The following EPHA6 variants were observed in gnomAD, a reference collection of about 807,000 sequenced individuals.
EPHA6 encodes EPH receptor A6.
In EPHA6, 50 loss-of-function variants were observed where a neutral mutation model predicts 112.0. That is an observed-to-expected ratio of 0.45 (90% confidence interval 0.36 to 0.56). The LOEUF is 0.56. Among genes scored for constraint, EPHA6 ranks in the 20% least tolerant of loss-of-function variants. EPHA6 has a pLI of 0.00. For synonymous variants in EPHA6, 529 were observed against 490.7 expected (o/e 1.08, Z -1.03); for missense variants, 1,280 against 1,417.4 (o/e 0.90, Z 1.56).
chr3:97,092,099 A>T (rs199721217), intron 3 of EPHA6, among the ~76,000 whole-genome samples: 43,004 of 144,496 alleles, frequency 0.3, 10,526 homozygotes, highest in African/African-American at 0.69. Context: ...TTTTTTTTTA[A>T]AAAAAAAAAG....
chr3:97,605,737 T>C (rs1284346665), intron 12 of EPHA6, among the ~76,000 whole-genome samples: 3 of 151,844 alleles, frequency 2.0e-5, no homozygotes, highest in Non-Finnish European at 1.5e-5. Context: ...CTGGGTTCTT[T>C]ATGGTTCCAT....
intron 3 of EPHA6, among the ~76,000 whole-genome samples, chr3:97,148,355 C>T (rs558358965): frequency 6.6e-6 from 1 of 152,102 alleles, no homozygotes; most frequent in Middle Eastern, 3.4e-3. Flanking sequence ...CCCCTGTAGT[C>T]CTAGCCTCTC....
chr3:97,015,477 A>G (rs748625226), intron 3 of EPHA6, among the ~76,000 whole-genome samples: 15 of 152,170 alleles, frequency 9.9e-5, no homozygotes, highest in Non-Finnish European at 1.9e-4. Flanking sequence ...TGTCTTTTCA[A>G]TGTCAAACTA....
At chr3:97,177,500 T>G (rs558481434) in intron 3 of EPHA6, among the ~76,000 whole-genome samples, 10 of 152,026 alleles carry the variant, frequency 6.6e-5, no homozygotes, top group Non-Finnish European at 1.5e-4. Context: ...ATTATTATAT[T>G]GGGGCCTATC....
chr3:96,875,108 A>G lies in EPHA6; in HGVS notation c.450+8219A>G, dbSNP rs184832007. ...TTTTATCTGGGCTGCCAGATTGTAA[A>G]TACAGATTGTACTTATAATAATAAT... On this transcript the variant is annotated intron_variant, in intron 2 of 17. Transcript: ENST00000389672. Among the ~76,000 whole-genome samples the G allele has an allele frequency of 4.2e-3, 633 of 152,170 alleles. 5 individuals are homozygous for G. Among genetic ancestry groups the G allele is most frequent in the African/African-American group, 0.014 (592 of 41,536 alleles).
At chr3:97,010,575 T>G (rs1285313791) in intron 3 of EPHA6, among the ~76,000 whole-genome samples, 1 of 152,196 alleles carries the variant, frequency 6.6e-6, no homozygotes, top group African/African-American at 2.4e-5. Flanking sequence ...AAACATAGAA[T>G]AAAACCTCTA....
chr3:97,085,948 T>TATATATATATATATACAC (rs984404779), intron 3 of EPHA6, among the ~76,000 whole-genome samples: 5 of 145,170 alleles, frequency 3.4e-5, no homozygotes, highest in African/African-American at 1.4e-4. Context: ...TATATATATA[T>TATATATATATATATACAC]ACACACTGAG....
chr3:97,297,653 A>G (rs1226552168), intron 5 of EPHA6, among the ~76,000 whole-genome samples: 1 of 152,250 alleles, frequency 6.6e-6, no homozygotes, highest in South Asian at 2.1e-4. Context: ...GATTAACTAT[A>G]AAGCATTATA....
At chr3:97,298,144 G>A (rs569925005) in intron 5 of EPHA6, among the ~76,000 whole-genome samples, 16 of 152,100 alleles carry the variant, frequency 1.1e-4, no homozygotes, top group Admixed American at 2.6e-4. Flanking sequence ...TAAATCAAAC[G>A]CAATGCCAAA....
intron 3 of EPHA6, among the ~76,000 whole-genome samples, chr3:97,118,145 C>T (rs1311898667): frequency 1.3e-5 from 2 of 151,656 alleles, no homozygotes; most frequent in Non-Finnish European, 2.9e-5. Flanking sequence ...TTACTGAAGC[C>T]AGAGCAACTT....
intron 3 of EPHA6, among the ~76,000 whole-genome samples, chr3:97,067,694 G>A (rs982767489): frequency 3.3e-5 from 5 of 151,952 alleles, no homozygotes; most frequent in African/African-American, 1.2e-4. Context: ...GAAGCAGAGG[G>A]GTAGAATGAG....
chr3:97,414,044 ATACT>A (rs1577303575), intron 6 of EPHA6, among the ~76,000 whole-genome samples: 1 of 152,020 alleles, frequency 6.6e-6, no homozygotes, highest in East Asian at 1.9e-4. Flanking sequence ...AAGTACAAAC[ATACT>A]TACCAAATCA....
chr3:97,369,009 A>G (rs2084898692), intron 5 of EPHA6, among the ~76,000 whole-genome samples: 1 of 152,216 alleles, frequency 6.6e-6, no homozygotes, highest in African/African-American at 2.4e-5. Flanking sequence ...TTTCTGAAGA[A>G]TGAGAATAAA....
At chr3:97,178,204 A>G (rs899883244) in intron 3 of EPHA6, among the ~76,000 whole-genome samples, 6 of 152,112 alleles carry the variant, frequency 3.9e-5, no homozygotes, top group Non-Finnish European at 7.4e-5. Flanking sequence ...TGCATAAACA[A>G]ACAAACACAA....
At chr3:97,140,175 AT>A (rs1485633326) in intron 3 of EPHA6, among the ~76,000 whole-genome samples, 15 of 152,072 alleles carry the variant, frequency 9.9e-5, no homozygotes, top group East Asian at 1.9e-4. Context: ...TTTAAAAAAA[AT>A]AAACATGACC....
At chr3:97,675,433 T>A (rs2031275404) in intron 14 of EPHA6, among the ~76,000 whole-genome samples, 1 of 152,102 alleles carries the variant, frequency 6.6e-6, no homozygotes, top group Admixed American at 6.6e-5. Context: ...TGAGCAGAGA[T>A]CTTGACACTG....
intron 7 of EPHA6, among the ~76,000 whole-genome samples, chr3:97,465,123 A>C (rs2107408900): frequency 6.6e-6 from 1 of 152,220 alleles, no homozygotes; most frequent in South Asian, 2.1e-4. Context: ...TTTTTATATT[A>C]CATGACAAGG....
intron 11 of EPHA6, among the ~76,000 whole-genome samples, chr3:97,582,839 A>G (rs531870387): frequency 5.9e-5 from 9 of 152,242 alleles, no homozygotes; most frequent in Non-Finnish European, 7.3e-5. Flanking sequence ...TATGTATTAA[A>G]ACATTTGTTC....
chr3:97,675,617 C>T (rs536167561), intron 14 of EPHA6, among the ~76,000 whole-genome samples: 1 of 152,242 alleles, frequency 6.6e-6, no homozygotes, highest in Admixed American at 6.5e-5. Context: ...TTATATGATA[C>T]ATGTGGCAAT....
Sources: allele counts gnomAD v4.1 joint callset (sites outside exome capture counted in the v4.1 genomes callset), GRCh38; gene constraint gnomAD v4.1.1; transcripts MANE v1.5; gene names NCBI Gene and HGNC (gene_info 2026-07-23, HGNC 2026-07-21).